Variants in GNA14 observed in about 807,000 individuals in gnomAD.
GNA14 encodes the protein guanine nucleotide-binding protein subunit alpha-14.
GNA14 carries 50 observed loss-of-function variants against 42.0 expected under a neutral mutation model. The observed-to-expected ratio is 1.19, with a 90% CI of 0.95 to 1.51. GNA14 has a LOEUF of 1.51. GNA14 is among the 40% of genes most tolerant of loss of function. The pLI is 0.00. For synonymous variants in GNA14, 173 were observed against 163.1 expected, an observed-to-expected ratio of 1.06 and a Z score of -0.46; for missense variants, 473 against 446.2, an observed-to-expected ratio of 1.06 and a Z score of -0.54.
At chr9:77,596,934 G>C (rs1388499643) in intron 1 of GNA14, among the ~76,000 whole-genome samples, 1 of 152,184 alleles carries the variant, frequency 6.6e-6, no homozygotes, top group African/African-American at 2.4e-5. Flanking sequence ...GACGGAACCA[G>C]TGTTCACCTT....
chr9:77,643,883 T>C (rs1314149161), intron 1 of GNA14, among the ~76,000 whole-genome samples: 1 of 152,148 alleles, frequency 6.6e-6, no homozygotes, highest in Admixed American at 6.5e-5. Context: ...AGAGTGATGA[T>C]AGCTGATACT....
At chr9:77,472,076 G>A (rs1836341178) in intron 2 of GNA14, among the ~76,000 whole-genome samples, 1 of 152,030 alleles carries the variant, frequency 6.6e-6, no homozygotes, top group Admixed American at 6.6e-5. Context: ...GCTGAATCTG[G>A]CAGTGCTTGT....
chr9:77,619,592 G>A (rs1272565075), intron 1 of GNA14, among the ~76,000 whole-genome samples: 3 of 152,100 alleles, frequency 2.0e-5, no homozygotes, highest in African/African-American at 4.8e-5. Flanking sequence ...TGTGATATGG[G>A]GCAGCTCATT....
At chr9:77,621,744 TA>T (rs1823926548) in intron 1 of GNA14, among the ~76,000 whole-genome samples, 1 of 152,106 alleles carries the variant, frequency 6.6e-6, no homozygotes, top group Non-Finnish European at 1.5e-5. Flanking sequence ...TATCAACAAA[TA>T]AAAAGCAGAG....
chr9:77,612,628 G>A (rs1373412769), intron 1 of GNA14, among the ~76,000 whole-genome samples: 1 of 150,408 alleles, frequency 6.6e-6, no homozygotes, highest in African/African-American at 2.5e-5. Flanking sequence ...ACCACAGTGA[G>A]ATATTACCTC....
At chr9:77,499,200 C>T (rs1360142271) in intron 2 of GNA14, among the ~76,000 whole-genome samples, 1 of 145,996 alleles carries the variant, frequency 6.8e-6, no homozygotes, top group Non-Finnish European at 1.5e-5. Flanking sequence ...CTTCAAACCA[C>T]TGTTTATTTA....
At chr9:77,637,581 G>A (rs1056684720) in intron 1 of GNA14, among the ~76,000 whole-genome samples, 1 of 152,204 alleles carries the variant, frequency 6.6e-6, no homozygotes, top group African/African-American at 2.4e-5. Context: ...GTTGAGCTGG[G>A]TGCAGTGGCT....
chr9:77,570,813 A>G (rs1442686389), intron 1 of GNA14, among the ~76,000 whole-genome samples: 1 of 152,226 alleles, frequency 6.6e-6, no homozygotes, highest in Non-Finnish European at 1.5e-5. Flanking sequence ...GAATTACCAC[A>G]GTGTTTTCTA....
chr9:77,647,797 G>A lies in GNA14; in HGVS notation c.-4C>T, dbSNP rs765537922. ...ACAGGCAGCAGCAGCCGGCCATGGT[G>A]CGCTCAGCTCAGTACCCGACGGGGC... On this transcript the variant is annotated 5_prime_UTR_variant, in exon 1 of 7. Coordinates refer to ENST00000341700, the MANE Select transcript of GNA14 (RefSeq NM_004297.4). 2.5e-6 allele frequency: 4 copies of A among 1,607,626 alleles called. No homozygotes were observed. In the South Asian group the frequency reaches 3.3e-5, roughly 13 times the overall value.
At chr9:77,509,742 A>C (rs567730067) in intron 2 of GNA14, among the ~76,000 whole-genome samples, 4 of 152,286 alleles carry the variant, frequency 2.6e-5, no homozygotes, top group Non-Finnish European at 5.9e-5. Context: ...TAGGTTGGTG[A>C]GAAAGTAATC....
At chr9:77,591,425 C>A (rs1587840859) in intron 1 of GNA14, among the ~76,000 whole-genome samples, 1 of 152,166 alleles carries the variant, frequency 6.6e-6, no homozygotes, top group Non-Finnish European at 1.5e-5. Flanking sequence ...TCTTTTAAAT[C>A]TGGGCACCAG....
chr9:77,573,201 C>A (rs1823085402), intron 1 of GNA14, among the ~76,000 whole-genome samples: 1 of 152,142 alleles, frequency 6.6e-6, no homozygotes, highest in African/African-American at 2.4e-5. Flanking sequence ...GTAATCCTAA[C>A]ACTCTGGGAG....
intron 2 of GNA14, among the ~76,000 whole-genome samples, chr9:77,490,616 A>G (rs7042993): frequency 0.55 from 83,668 of 152,104 alleles, 23,415 homozygotes; most frequent in East Asian, 0.84. Context: ...CTCCGCAGCC[A>G]CTGGCCTGGG....
At chr9:77,429,566 CTCTATA>C (rs991046544) in intron 4 of GNA14, among the ~76,000 whole-genome samples, 10 of 101,278 alleles carry the variant, frequency 9.9e-5, no homozygotes, top group African/African-American at 1.9e-4. Flanking sequence ...AATCCAAAGC[CTCTATA>C]TCTGTGTCTT....
intron 1 of GNA14, among the ~76,000 whole-genome samples, chr9:77,584,546 A>T (rs1385556358): frequency 7.3e-6 from 1 of 136,920 alleles, no homozygotes; most frequent in Non-Finnish European, 1.5e-5. Context: ...ATTTCAGCTG[A>T]AGTGGTAGCA....
chr9:77,620,289 T>A (rs1455985273), intron 1 of GNA14, among the ~76,000 whole-genome samples: 1 of 152,196 alleles, frequency 6.6e-6, no homozygotes, highest in Admixed American at 6.5e-5. Flanking sequence ...CCATGCACAT[T>A]AGAAGCCATA....
intron 1 of GNA14, among the ~76,000 whole-genome samples, chr9:77,558,223 G>A (rs11145479): frequency 0.19 from 28,148 of 152,068 alleles, 2,790 homozygotes; most frequent in Middle Eastern, 0.25. Context: ...GAAGCATTTG[G>A]AGGTGCCTTG....
At chr9:77,434,331 A>C (rs758161993) in intron 3 of GNA14, 37 bp downstream of exon 3, 44 of 1,582,062 alleles carry the variant, frequency 2.8e-5, no homozygotes, top group Non-Finnish European at 3.6e-5. Context: ...GCTTGCCTGA[A>C]AGCACCGCGG....
At position 77,501,080 on chromosome 9, in the gene GNA14, A is replaced by C. The variant is rs10747018; in HGVS notation, c.309+27989T>G. 5.9e-5 allele frequency among the ~76,000 whole-genome samples: 9 copies of C among 151,916 alleles called. No homozygotes were observed. In the East Asian group the frequency reaches 1.7e-3, roughly 30 times the overall value. On this transcript the variant is annotated intron_variant, in intron 2 of 6. Coordinates refer to ENST00000341700, the MANE Select transcript of GNA14 (RefSeq NM_004297.4). ...AGTAATTCTCCTGCCTCAGCCTCCC[A>C]AATAACTGGGACTACAGGCATGCGC...
Sources: allele counts gnomAD v4.1 joint callset (sites outside exome capture counted in the v4.1 genomes callset), GRCh38; gene constraint gnomAD v4.1.1; transcripts MANE v1.5; gene names NCBI Gene and HGNC (gene_info 2026-07-23, HGNC 2026-07-21).